The following MTUS2 variants were observed in gnomAD, a reference collection of about 807,000 sequenced individuals.
MTUS2 encodes microtubule associated scaffold protein 2, also known as microtubule-associated tumor suppressor candidate 2.
A neutral mutation model predicts 114.1 loss-of-function variants in MTUS2; 40 were observed. The observed-to-expected ratio is 0.35, with a 90% CI of 0.27 to 0.46. The LOEUF (loss-of-function observed/expected upper bound fraction) is 0.46. MTUS2 is among the 20% of genes least tolerant of loss of function. The probability of loss-of-function intolerance (pLI) is 1.00; values close to 1 mark genes in which losing one functional copy is unlikely to be tolerated. For synonymous variants in MTUS2, 688 were observed against 672.0 expected, an observed-to-expected ratio of 1.02 and a Z score of -0.37; for missense variants, 1,679 against 1,705.4, an observed-to-expected ratio of 0.98 and a Z score of 0.27.
intron 7 of MTUS2, among the ~76,000 whole-genome samples, chr13:29,327,262 C>T (rs1218268585): frequency 2.0e-5 from 3 of 152,120 alleles, no homozygotes; most frequent in Non-Finnish European, 4.4e-5. Flanking sequence ...CTAAACTACC[C>T]TATGCTTAAA....
chr13:28,836,393 A>C (rs879383062), intron 1 of MTUS2, among the ~76,000 whole-genome samples: 1 of 152,204 alleles, frequency 6.6e-6, no homozygotes, highest in Non-Finnish European at 1.5e-5. Context: ...ACTGGTTTTG[A>C]GTTGGATCCA....
At chr13:29,428,749 G>A in intron 8 of MTUS2, 1 of 1,589,750 alleles carries the variant, frequency 6.3e-7, no homozygotes, top group Non-Finnish European at 8.6e-7. Flanking sequence ...GCTCCCAGCG[G>A]CGCGCCCCTT....
At chr13:28,980,919 C>A (rs1031096333) in intron 2 of MTUS2, among the ~76,000 whole-genome samples, 1 of 152,200 alleles carries the variant, frequency 6.6e-6, no homozygotes, top group Admixed American at 6.5e-5. Flanking sequence ...TATTAATAAC[C>A]ACACTAGGGC....
intron 4 of MTUS2, among the ~76,000 whole-genome samples, chr13:29,082,640 CT>C (rs1180185706): frequency 6.6e-6 from 1 of 152,128 alleles, no homozygotes; most frequent in African/African-American, 2.4e-5. Flanking sequence ...GCAAAGAGGC[CT>C]CAATAGCTAT....
chr13:29,376,006 T>A, intron 8 of MTUS2, among the ~76,000 whole-genome samples: 1 of 113,606 alleles, frequency 8.8e-6, no homozygotes, highest in African/African-American at 3.3e-5. Flanking sequence ...TATATGTGTG[T>A]GTGTGTGTAT....
chr13:29,469,641 G>GAAAC (rs1231238562), intron 9 of MTUS2, among the ~76,000 whole-genome samples: 1 of 132,582 alleles, frequency 7.5e-6, no homozygotes, highest in African/African-American at 3.0e-5. Context: ...AAAAAAAAAA[G>GAAAC]AAAGAAAGAA....
rs972249407 is a variant in MTUS2, at chr13:29,098,427, A to G, written c.2447-2346A>G. Among the ~76,000 whole-genome samples, 3 of 149,794 alleles carry G rather than the reference A, an allele frequency of 2.0e-5. No homozygotes were observed. The South Asian group carries it at 6.5e-4, about 33-fold the overall frequency. ...TATGCGCAGAGAGTTGGGGCAAGGT[A>G]TACTTTTGCAAGTCATCTAAACACA... On this transcript the variant is annotated intron_variant, in intron 4 of 15. Transcript: ENST00000612955.
intron 5 of MTUS2, among the ~76,000 whole-genome samples, chr13:29,144,772 A>C (rs1179217169): frequency 6.6e-6 from 1 of 152,242 alleles, no homozygotes; most frequent in East Asian, 1.9e-4. Flanking sequence ...TGGGAGTGAT[A>C]GCCCATCATC....
At chr13:29,198,716 C>T (rs1894808375) in intron 5 of MTUS2, among the ~76,000 whole-genome samples, 1 of 152,116 alleles carries the variant, frequency 6.6e-6, no homozygotes, top group Non-Finnish European at 1.5e-5. Flanking sequence ...GAATGTTTTT[C>T]CATTTGTTTG....
In MTUS2 at chr13:29,492,629, T is replaced by G; in HGVS notation, c.3506-17T>G. The G allele has an allele frequency of 1.9e-6, 3 of 1,605,642 alleles. No individual in the cohort carries two copies. Among genetic ancestry groups the G allele is most frequent in the Non-Finnish European group, 2.6e-6 (3 of 1,173,110 alleles). ...CAAAAGAAAGACCAACTTGACAATT[T>G]AATGTCTTCTTTCCAGAATTGATGT... is the stretch of plus-strand genomic sequence containing the variant. On this transcript the variant is annotated splice_polypyrimidine_tract_variant and intron_variant, in intron 11 of 15. Transcript: ENST00000612955.
At chr13:28,922,360 C>A (rs1240537817) in intron 2 of MTUS2, among the ~76,000 whole-genome samples, 1 of 152,206 alleles carries the variant, frequency 6.6e-6, no homozygotes, top group Non-Finnish European at 1.5e-5. Flanking sequence ...CCTGCCGAGG[C>A]CACTGGCTCT....
At chr13:29,077,372 A>G (rs1028217291) in intron 4 of MTUS2, among the ~76,000 whole-genome samples, 90 of 152,340 alleles carry the variant, frequency 5.9e-4, no homozygotes, top group Non-Finnish European at 8.8e-5. Context: ...CTGTAAAAAC[A>G]ACTAGGAAGA....
rs1321450379 is a variant in MTUS2, at chr13:29,160,928, T to G, written c.2644+59958T>G. Among the ~76,000 whole-genome samples the G allele has an allele frequency of 2.0e-5, 3 of 152,204 alleles. No individual in the cohort carries two copies. In the East Asian group the frequency reaches 5.8e-4, roughly 29 times the overall value. On this transcript the variant is annotated intron_variant, in intron 5 of 15. Transcript: ENST00000612955. The stretch of plus-strand genomic sequence containing the variant: ...AAAGCCAGTCCCAAAGGTTACATAC[T>G]GCATGACTCCATGTATAAAACCTCA...
chr13:29,074,056 C>T (rs1565993964), intron 4 of MTUS2, among the ~76,000 whole-genome samples: 1 of 152,094 alleles, frequency 6.6e-6, no homozygotes, highest in Admixed American at 6.6e-5. Context: ...AACTGATTTC[C>T]CTGTCTTCAG....
At chr13:29,481,733 C>T (rs553586241) in intron 10 of MTUS2, among the ~76,000 whole-genome samples, 8 of 151,938 alleles carry the variant, frequency 5.3e-5, no homozygotes, top group Non-Finnish European at 1.0e-4. Flanking sequence ...TAATAAAAAC[C>T]TCTCTTACTT....
intron 5 of MTUS2, among the ~76,000 whole-genome samples, chr13:29,251,318 T>TAATAAA (rs1035606030): frequency 6.6e-6 from 1 of 151,224 alleles, no homozygotes; most frequent in Non-Finnish European, 1.5e-5. Context: ...ATAATAATAA[T>TAATAAA]AAATGCCTAC....
rs146257528 is a variant in MTUS2 at position 29,443,862 on chromosome 13, G to A, written c.3184+3813G>A. 2.3e-3 allele frequency among the ~76,000 whole-genome samples: 343 copies of A among 152,264 alleles called. 2 individuals are homozygous for A. The highest frequency in any genetic ancestry group is 0.01 in the South Asian group (49 of 4,830). ...CAGCTGAGTCTAATGGGAGCTGGACGTGGAGGGATGTGGGGGGACATGGGG... is the reference window on the plus strand; with the variant it reads ...CAGCTGAGTCTAATGGGAGCTGGACATGGAGGGATGTGGGGGGACATGGGG... On this transcript the variant is annotated intron_variant, in intron 9 of 15. Transcript: ENST00000612955.
intron 1 of MTUS2, among the ~76,000 whole-genome samples, chr13:28,830,021 C>T (rs746174693): frequency 1.2e-4 from 19 of 152,142 alleles, no homozygotes; most frequent in African/African-American, 2.7e-4. Flanking sequence ...CCCCCCAACA[C>T]GCGTAATCCC....
chr13:29,344,726 T>C (rs1359881638), intron 7 of MTUS2, among the ~76,000 whole-genome samples: 1 of 152,186 alleles, frequency 6.6e-6, no homozygotes, highest in Non-Finnish European at 1.5e-5. Flanking sequence ...GTTGTTGTTT[T>C]TTTGTCATTC....
Sources: allele counts gnomAD v4.1 joint callset (sites outside exome capture counted in the v4.1 genomes callset), GRCh38; gene constraint gnomAD v4.1.1; transcripts MANE v1.5; gene names NCBI Gene and HGNC (gene_info 2026-07-23, HGNC 2026-07-21).